Variants in ARL6IP6 observed in about 807,000 individuals in gnomAD.
ARL6IP6 encodes the protein ADP-ribosylation factor-like protein 6-interacting protein 6.
In ARL6IP6, 22 loss-of-function variants were observed where a neutral mutation model predicts 21.5. The ratio of observed to expected loss-of-function variants is 1.02; its 90% CI spans 0.73 to 1.46. The LOEUF is 1.46. Ranked by LOEUF, ARL6IP6 falls within the 40% of genes most tolerant of loss-of-function variation. The pLI is 0.00. For missense variants in ARL6IP6, 388 were observed against 299.8 expected, an observed-to-expected ratio of 1.29 and a Z score of -2.17; for synonymous variants, 164 against 125.3, an observed-to-expected ratio of 1.31 and a Z score of -2.06.
rs1333188795 is a variant in ARL6IP6 at position 152,760,034 on chromosome 2, G to T, written c.*194G>T. 2.0e-6 allele frequency: 1 copy of T among 492,350 alleles called. No homozygotes were observed. 30.5% of individuals were successfully genotyped at this position (492,350 alleles called of 1,614,324 possible). ...TAGAATGTCTGAGTATTAAGATACA[G>T]ATTAATTGGGAATATCTGAGTATTA... is the stretch of plus-strand genomic sequence containing the variant. On this transcript the variant is annotated 3_prime_UTR_variant, in exon 4 of 4. Coordinates refer to ENST00000326446, the MANE Select transcript of ARL6IP6 (RefSeq NM_152522.7).
intron 3 of ARL6IP6, among the ~76,000 whole-genome samples, chr2:152,755,943 T>C (rs537016606): frequency 1.4e-4 from 22 of 152,320 alleles, no homozygotes; most frequent in African/African-American, 4.8e-4. Context: ...AATTTGACTT[T>C]TTGTCTTTTT....
At chr2:152,737,331 G>T (rs1185420572) in intron 3 of ARL6IP6, among the ~76,000 whole-genome samples, 1 of 152,108 alleles carries the variant, frequency 6.6e-6, no homozygotes, top group Non-Finnish European at 1.5e-5. Context: ...AGCCTCTGGG[G>T]TTAGAGAAGG....
chr2:152,748,183 AGC>A (rs1364181201), intron 3 of ARL6IP6, among the ~76,000 whole-genome samples: 4 of 152,236 alleles, frequency 2.6e-5, no homozygotes, highest in Non-Finnish European at 5.9e-5. Flanking sequence ...AAATTAGGGA[AGC>A]ATTCTCTTTA....
intron 3 of ARL6IP6, among the ~76,000 whole-genome samples, chr2:152,738,340 A>T (rs1424989376): frequency 6.6e-6 from 1 of 151,984 alleles, no homozygotes; most frequent in Non-Finnish European, 1.5e-5. Context: ...TACTGTTCTG[A>T]TGGCCCTCTT....
intron 2 of ARL6IP6, among the ~76,000 whole-genome samples, chr2:152,727,308 C>T (rs1390374189): frequency 6.6e-6 from 1 of 152,116 alleles, no homozygotes; most frequent in Non-Finnish European, 1.5e-5. Context: ...AACATTTTTG[C>T]ACAGCTGTAC....
intron 3 of ARL6IP6, among the ~76,000 whole-genome samples, chr2:152,744,673 C>A (rs1700967614): frequency 6.6e-6 from 1 of 152,100 alleles, no homozygotes; most frequent in Non-Finnish European, 1.5e-5. Flanking sequence ...TGCTATCAAT[C>A]TTTATTGTCT....
At position 152,744,281 on chromosome 2, in the gene ARL6IP6, G is replaced by A. The variant is rs1374182462; in HGVS notation, c.587+9155G>A. Among the ~76,000 whole-genome samples the A allele has an allele frequency of 2.0e-5, 3 of 152,196 alleles. No individual in the cohort carries two copies. The East Asian group carries it at 5.8e-4, about 29-fold the overall frequency. On this transcript the variant is annotated intron_variant, in intron 3 of 3. Transcript: ENST00000326446. ...TTATCATAACTAGACTCAGTTTTAA[G>A]CTACAGTATTCTTCAGGTGTCCTTT... is the stretch of plus-strand genomic sequence containing the variant.
intron 3 of ARL6IP6, among the ~76,000 whole-genome samples, chr2:152,740,870 A>C (rs922378550): frequency 6.6e-6 from 1 of 152,138 alleles, no homozygotes; most frequent in Non-Finnish European, 1.5e-5. Context: ...GTTGTTTTAT[A>C]GTCAAAACCC....
rs189926539 is a variant in ARL6IP6 at position 152,740,909 on chromosome 2, C to T, written c.587+5783C>T. ...CCTCTAGTGTTTATGGAAAATATGC[C>T]GTTATTTCAGAAATGTCAGATTAAG... On this transcript the variant is annotated intron_variant, in intron 3 of 3. Coordinates refer to ENST00000326446, the MANE Select transcript of ARL6IP6 (RefSeq NM_152522.7). Among the ~76,000 whole-genome samples, 7 of 152,050 alleles carry T rather than the reference C, an allele frequency of 4.6e-5. No homozygotes were observed. In the East Asian group the frequency reaches 1.2e-3, roughly 25 times the overall value.
chr2:152,733,297 A>T (rs1700410938), intron 2 of ARL6IP6, among the ~76,000 whole-genome samples: 1 of 151,838 alleles, frequency 6.6e-6, no homozygotes, highest in Admixed American at 6.6e-5. Context: ...AAAGAGTCTC[A>T]CTCTGTCACC....
At chr2:152,747,607 A>T (rs1393598264) in intron 3 of ARL6IP6, among the ~76,000 whole-genome samples, 1 of 148,376 alleles carries the variant, frequency 6.7e-6, no homozygotes, top group Admixed American at 6.7e-5. Context: ...AGATAGTCTC[A>T]CTCTGTCACC....
Position 152,720,573 on chromosome 2 carries a change from C to G in ARL6IP6, c.441C>G (p.Asp147Glu). 2 of 1,613,960 alleles carry G rather than the reference C, an allele frequency of 1.2e-6. No homozygotes were observed. Among genetic ancestry groups the G allele is most frequent in the Non-Finnish European group, 1.7e-6 (2 of 1,179,902 alleles). ...AENLKNEDDV[D>E]TGLLGFWTLL... ...ATTTGAAAAATGAAGATGATGTAGACACTGGACTATTAGGTATGGACTTAA... is the reference window on the plus strand; with the variant it reads ...ATTTGAAAAATGAAGATGATGTAGAGACTGGACTATTAGGTATGGACTTAA... The change falls in exon 2 of 4, where the codon GAC becomes GAG. Residue 147 changes from aspartate (D) to glutamate (E), a missense_variant. Asp to Glu is a conservative substitution (Grantham distance 45). Transcript: ENST00000326446.
chr2:152,717,992 C>A, upstream of ARL6IP6: 1 of 997,426 alleles, frequency 1.0e-6, no homozygotes, highest in Non-Finnish European at 1.2e-6. Context: ...TCCGTACGCA[C>A]CAGGTGGAGA....
chr2:152,739,074 C>G (rs1179971445), intron 3 of ARL6IP6, among the ~76,000 whole-genome samples: 1 of 152,008 alleles, frequency 6.6e-6, no homozygotes, highest in Non-Finnish European at 1.5e-5. Context: ...GCTCCGCCTC[C>G]TGGGTTCATG....
At position 152,718,835 on chromosome 2, in the gene ARL6IP6, T is replaced by G. The variant is rs761631430; in HGVS notation, c.211T>G (p.Ser71Ala). ...GGCGTGGTCAGAGCCCAGAAAGCGC[T>G]CGGTGCTCCCGCCGGACGGGAACGG... Reference protein sequence around the residue: ...AGAWSEPRKRSVLPPDGNGSP... With the variant: ...AGAWSEPRKRAVLPPDGNGSP... The change falls in exon 1 of 4, where the codon TCG becomes GCG. Residue 71 changes from serine to alanine, a missense_variant. By Grantham distance (99) the Ser-to-Ala change is moderately conservative. Coordinates refer to ENST00000326446, the MANE Select transcript of ARL6IP6 (RefSeq NM_152522.7). 3 of 1,611,008 alleles carry G rather than the reference T, an allele frequency of 1.9e-6. No individual in the cohort carries two copies. The highest frequency in any genetic ancestry group is 2.7e-5 in the African/African-American group (2 of 74,836).
intron 3 of ARL6IP6, among the ~76,000 whole-genome samples, chr2:152,738,014 CA>C (rs1553530073): frequency 1.3e-5 from 2 of 152,136 alleles, no homozygotes; most frequent in Non-Finnish European, 2.9e-5. Context: ...TAATTACTTC[CA>C]AGATAACAAT....
At chr2:152,750,596 G>T (rs10497116) in intron 3 of ARL6IP6, among the ~76,000 whole-genome samples, 12,061 of 151,974 alleles carry the variant, frequency 0.079, 621 homozygotes, top group Middle Eastern at 0.16. Context: ...TGAGAAGCAT[G>T]AAATCTTAAG....
At position 152,718,664 on chromosome 2, in the gene ARL6IP6, C is replaced by T. The variant is rs2105058420; in HGVS notation, c.40C>T (p.Arg14Cys). 3.2e-6 allele frequency: 5 copies of T among 1,567,278 alleles called. 1 individual carries two copies. In the South Asian group the frequency reaches 3.5e-5, roughly 11 times the overall value. Residue 14 changes from arginine (R) to cysteine (C), a missense_variant, in exon 1 of 4, where the codon CGC (arginine) becomes TGC (cysteine). Transcript: ENST00000326446. The stretch of plus-strand genomic sequence containing the variant: ...GAGCGGGTGGCGGTCGGCTCTGCGG[C>T]GCCGCGGTCCCGGCACCCCGGGCCC... ...AESGWRSALR[R>C]RGPGTPGPVA...
At position 152,762,073 on chromosome 2, in the gene ARL6IP6, T is replaced by G. The variant is rs1214843283; in HGVS notation, c.*2233T>G. 6.6e-6 allele frequency among the ~76,000 whole-genome samples: 1 copy of G among 152,120 alleles called. No homozygotes were observed. Among genetic ancestry groups the G allele is most frequent in the Non-Finnish European group, 1.5e-5 (1 of 68,010 alleles). ...TATAAATCATCTATATGCAGAATGA[T>G]TAGGCAAGGATAGTCACCTAACTCT... On this transcript the variant is annotated 3_prime_UTR_variant, in exon 4 of 4. Coordinates refer to ENST00000326446, the MANE Select transcript of ARL6IP6 (RefSeq NM_152522.7).
Sources: allele counts gnomAD v4.1 joint callset (sites outside exome capture counted in the v4.1 genomes callset), GRCh38; gene constraint gnomAD v4.1.1; transcripts MANE v1.5; gene names NCBI Gene and HGNC (gene_info 2026-07-23, HGNC 2026-07-21).